CCDC126: variants seen among roughly 807,000 people sequenced by gnomAD.
CCDC126 encodes coiled-coil domain containing 126.
A neutral mutation model predicts 11.7 loss-of-function variants in CCDC126; 5 were observed. That is an observed-to-expected ratio of 0.43 (90% CI 0.22 to 0.90). The LOEUF (loss-of-function observed/expected upper bound fraction) is 0.90. Ranked by LOEUF, CCDC126 falls within the 40% of genes least tolerant of loss-of-function variation. The pLI is 0.27. For synonymous variants in CCDC126, 60 were observed against 61.9 expected (o/e 0.97, Z 0.14); for missense variants, 150 against 163.1 (o/e 0.92, Z 0.44).
intron 3 of CCDC126, among the ~76,000 whole-genome samples, chr7:23,625,946 C>T (rs1243311247): frequency 6.6e-6 from 1 of 151,818 alleles, no homozygotes; most frequent in Non-Finnish European, 1.5e-5. Flanking sequence ...CTTGAGCCAC[C>T]GCTCCTGGCC....
chr7:23,634,048 G>A (rs1211593718), intron 3 of CCDC126, among the ~76,000 whole-genome samples: 5 of 152,194 alleles, frequency 3.3e-5, no homozygotes, highest in Non-Finnish European at 5.9e-5. Flanking sequence ...TATTCCTTCT[G>A]TGTGTACATA....
At chr7:23,604,448 T>G (rs948221340) in intron 2 of CCDC126, among the ~76,000 whole-genome samples, 4 of 152,346 alleles carry the variant, frequency 2.6e-5, no homozygotes, top group Middle Eastern at 3.4e-3. Flanking sequence ...TGAGAGCTAA[T>G]CAGGAGTTTT....
chr7:23,608,128 G>C (rs565726776), intron 2 of CCDC126, among the ~76,000 whole-genome samples: 6 of 152,198 alleles, frequency 3.9e-5, no homozygotes, highest in African/African-American at 1.2e-4. Flanking sequence ...AAATTGTGGC[G>C]TTAGCATGAT....
intron 3 of CCDC126, among the ~76,000 whole-genome samples, chr7:23,619,029 C>T (rs1438807950): frequency 1.3e-5 from 2 of 152,094 alleles, no homozygotes; most frequent in African/African-American, 4.8e-5. Context: ...GAGAAAAAGG[C>T]TGGGCAAGGA....
Position 23,644,527 on chromosome 7 carries a change from AAGAC to A in CCDC126, c.*1416_*1419del, listed in dbSNP as rs1231238270. 2 of 152,540 alleles carry A rather than the reference AAGAC, an allele frequency of 1.3e-5. No individual in the cohort carries two copies. Among genetic ancestry groups the A allele is most frequent in the African/African-American group, 4.8e-5 (2 of 41,456 alleles). The allele number at this position is 152,540 out of a possible 1,614,324, so 9.4% of individuals were successfully genotyped here. A position where few individuals can be genotyped will look rare whatever the true frequency, so the allele number is the denominator to read the frequency against. On this transcript the variant is annotated 3_prime_UTR_variant, in exon 4 of 4. Coordinates refer to ENST00000307471, the MANE Select transcript of CCDC126 (RefSeq NM_138771.4). ...AAATATGTGAAATATTGTTTCATGA[AAGAC>A]AGATTTCCAAATCTCTCTTCTCTTC...
At chr7:23,620,986 G>C (rs563233623) in intron 3 of CCDC126, among the ~76,000 whole-genome samples, 76 of 152,352 alleles carry the variant, frequency 5.0e-4, no homozygotes, top group African/African-American at 1.7e-3. Flanking sequence ...CTGTAGCCTT[G>C]TAGTATAGTT....
At chr7:23,615,413 C>G (rs893778205) in intron 3 of CCDC126, among the ~76,000 whole-genome samples, 16 of 152,314 alleles carry the variant, frequency 1.1e-4, no homozygotes, top group African/African-American at 3.8e-4. Context: ...CCAGACCACT[C>G]AAACTTTCTT....
chr7:23,605,427 GT>G (rs1782607494), intron 2 of CCDC126, among the ~76,000 whole-genome samples: 3 of 149,550 alleles, frequency 2.0e-5, no homozygotes, highest in African/African-American at 5.0e-5. Flanking sequence ...GTGTGTGTGT[GT>G]GTGTGTGTGT....
At chr7:23,605,659 G>T (rs535895798) in intron 2 of CCDC126, among the ~76,000 whole-genome samples, 1 of 151,932 alleles carries the variant, frequency 6.6e-6, no homozygotes, top group African/African-American at 2.4e-5. Context: ...CTTCCTTAGG[G>T]CTGAATAATA....
At chr7:23,612,502 C>CA (rs1782733887) in intron 3 of CCDC126, among the ~76,000 whole-genome samples, 4 of 74,952 alleles carry the variant, frequency 5.3e-5, no homozygotes, top group South Asian at 9.0e-4. Flanking sequence ...AAAAAAAAAA[C>CA]AAAGAAAAAA....
chr7:23,625,191 A>G (rs551366345), intron 3 of CCDC126, among the ~76,000 whole-genome samples: 7 of 152,252 alleles, frequency 4.6e-5, no homozygotes, highest in South Asian at 2.1e-4. Flanking sequence ...CTAATGATCA[A>G]TAATTTGGTG....
At chr7:23,600,611 GTTC>G (rs1455813342) in intron 2 of CCDC126, among the ~76,000 whole-genome samples, 1 of 152,136 alleles carries the variant, frequency 6.6e-6, no homozygotes, top group East Asian at 1.9e-4. Flanking sequence ...ATAGGCAGTA[GTTC>G]TTCTAGTACC....
At chr7:23,626,529 G>C (rs1783018842) in intron 3 of CCDC126, among the ~76,000 whole-genome samples, 1 of 151,642 alleles carries the variant, frequency 6.6e-6, no homozygotes, top group South Asian at 2.1e-4. Context: ...TTTAGGTTTG[G>C]GGGTACATGT....
At chr7:23,639,768 G>A (rs12154330) in intron 3 of CCDC126, among the ~76,000 whole-genome samples, 72,797 of 151,978 alleles carry the variant, frequency 0.48, 17,908 homozygotes, top group South Asian at 0.65. Flanking sequence ...TTTTTGATAA[G>A]TATTTTTTGA....
chr7:23,634,147 A>G (rs1344996487), intron 3 of CCDC126, among the ~76,000 whole-genome samples: 1 of 152,196 alleles, frequency 6.6e-6, no homozygotes, highest in Non-Finnish European at 1.5e-5. Flanking sequence ...ATATTTAGGT[A>G]TAAAAAGATA....
chr7:23,626,029 T>G (rs1477374132), intron 3 of CCDC126, among the ~76,000 whole-genome samples: 3 of 124,056 alleles, frequency 2.4e-5, no homozygotes, highest in Non-Finnish European at 3.9e-5. Flanking sequence ...TTCAGTTGCC[T>G]AATAACTGGG....
rs551541621 is a variant in CCDC126, at chr7:23,603,808, C to G, written c.-146+5757C>G. Among the ~76,000 whole-genome samples the G allele has an allele frequency of 2.9e-3, 435 of 152,286 alleles. 2 individuals carry two copies. Among genetic ancestry groups the G allele is most frequent in the African/African-American group, 0.01 (417 of 41,566 alleles). On this transcript the variant is annotated intron_variant, in intron 2 of 3. Coordinates refer to ENST00000307471, the MANE Select transcript of CCDC126 (RefSeq NM_138771.4). ...GATGTGTTTTAAAGTAAACATAAGG[C>G]ATTTCTCAGTGACGGCTGATTGTTC...
intron 2 of CCDC126, among the ~76,000 whole-genome samples, chr7:23,606,295 T>C (rs1299481117): frequency 6.6e-6 from 1 of 152,126 alleles, no homozygotes; most frequent in Non-Finnish European, 1.5e-5. Context: ...CCTGACCTCG[T>C]GATCTGCCTG....
At chr7:23,635,281 TGA>T (rs1394780420) in intron 3 of CCDC126, among the ~76,000 whole-genome samples, 2 of 152,226 alleles carry the variant, frequency 1.3e-5, no homozygotes, top group African/African-American at 2.4e-5. Flanking sequence ...CTGGGTGAGC[TGA>T]GAGTAAAAGG....
Sources: gnomAD v4.1 joint callset for allele counts (sites outside exome capture counted in the v4.1 genomes callset) on GRCh38, gnomAD v4.1.1 for gene constraint, MANE v1.5 for transcripts, NCBI Gene and HGNC (gene_info 2026-07-23, HGNC 2026-07-21) for gene names.